The following SMPDL3A variants were observed in gnomAD, a reference collection of about 807,000 sequenced individuals.
SMPDL3A encodes cyclic GMP-AMP phosphodiesterase SMPDL3A.
SMPDL3A carries 39 observed loss-of-function variants against 38.5 expected under a neutral mutation model. The ratio of observed to expected loss-of-function variants is 1.01; its 90% CI spans 0.78 to 1.32. The LOEUF is 1.32. SMPDL3A is among the 40% of genes most tolerant of loss of function. The probability of loss-of-function intolerance (pLI) is 0.00; values close to 1 mark genes in which losing one functional copy is unlikely to be tolerated. For synonymous variants in SMPDL3A, 180 were observed against 194.3 expected (o/e 0.93, Z 0.61); for missense variants, 502 against 536.2 (o/e 0.94, Z 0.63).
chr6:122,804,049 G>A (rs920918069), intron 5 of SMPDL3A, among the ~76,000 whole-genome samples: 6 of 150,836 alleles, frequency 4.0e-5, no homozygotes, highest in East Asian at 3.9e-4. Flanking sequence ...GTGCAATGGC[G>A]TGGTCTCGGC....
At position 122,806,002 on chromosome 6, in the gene SMPDL3A, C is replaced by A. The variant is rs1195467041; in HGVS notation, c.920-231C>A. 1.3e-5 allele frequency among the ~76,000 whole-genome samples: 2 copies of A among 152,302 alleles called. 1 individual carries two copies. Among genetic ancestry groups the A allele is most frequent in the East Asian group, 3.9e-4 (2 of 5,184 alleles). On this transcript the variant is annotated intron_variant, in intron 6 of 7. Coordinates refer to ENST00000368440, the MANE Select transcript of SMPDL3A (RefSeq NM_006714.5). ...ATTGCTAAAATATATGGATAATTTA[C>A]ATAACCACAAACTTAGTTAACAAAA...
At position 122,805,101 on chromosome 6, in the gene SMPDL3A, C is replaced by T. The variant is rs1445078198; in HGVS notation, c.919+12C>T. 6.3e-7 allele frequency: 1 copy of T among 1,586,842 alleles called. No homozygotes were observed. The highest frequency in any genetic ancestry group is 1.8e-5 in the Admixed American group (1 of 55,048). ...TTCAGATAAAAAAGGTAATGTAATG[C>T]TGTGTTTGCATCTCCCCAGTCTAAG... is the stretch of plus-strand genomic sequence containing the variant. On this transcript the variant is annotated intron_variant, in intron 6 of 7. Transcript: ENST00000368440.
In SMPDL3A at chr6:122,796,924, CTCCAGGTTT is replaced by C. The variant is rs1781267294; in HGVS notation, c.431_439del (p.Gln144_Phe146del). The C allele has an allele frequency of 6.2e-7, 1 of 1,613,536 alleles. No homozygotes were observed. Among genetic ancestry groups the C allele is most frequent in the Admixed American group, 1.7e-5 (1 of 59,984 alleles). ...CACCATCCAGAGTCTCTTTCCAAAT[CTCCAGGTTT>C]TCCCTGCGCTGGGTAATCATGACTA... On this transcript the variant is annotated inframe_deletion, in exon 3 of 8. Coordinates refer to ENST00000368440, the MANE Select transcript of SMPDL3A (RefSeq NM_006714.5).
intron 1 of SMPDL3A, chr6:122,789,939 C>T (rs1324536812): frequency 8.8e-6 from 8 of 913,236 alleles, no homozygotes; most frequent in Non-Finnish European, 1.0e-5. Flanking sequence ...ACACTATCTT[C>T]TGTCTTGCTC....
chr6:122,809,551 C>T lies in SMPDL3A; in HGVS notation c.*143C>T. On this transcript the variant is annotated 3_prime_UTR_variant, in exon 8 of 8. Coordinates refer to ENST00000368440, the MANE Select transcript of SMPDL3A (RefSeq NM_006714.5). ...TTCTTTTTTTTTTTCTTTTTGATGCCTTAATGTAGATATCTTTATCATTCT... is the reference window on the plus strand; with the variant it reads ...TTCTTTTTTTTTTTCTTTTTGATGCTTTAATGTAGATATCTTTATCATTCT... 1.7e-6 allele frequency: 1 copy of T among 605,794 alleles called. No homozygotes were observed. Among genetic ancestry groups the T allele is most frequent in the Non-Finnish European group, 2.9e-6 (1 of 344,842 alleles). 37.5% of individuals were successfully genotyped at this position (605,794 alleles called of 1,614,324 possible).
At position 122,795,691 on chromosome 6, in the gene SMPDL3A, GTGAC is replaced by G; in HGVS notation, c.133_136del (p.Asp45TyrfsTer3). On this transcript the variant is annotated frameshift_variant, in exon 2 of 8. Coordinates refer to ENST00000368440, the MANE Select transcript of SMPDL3A (RefSeq NM_006714.5). LOFTEE classifies it high-confidence loss of function. Reference sequence around the variant, plus strand: ...GTAATCAACAGGACAGTTTTGGCATGTGACTGACTTACACTTAGACCCTACTTAC... The same window carrying G: ...GTAATCAACAGGACAGTTTTGGCATGTGACTTACACTTAGACCCTACTTAC... 1 of 1,613,836 alleles carries G rather than the reference GTGAC, an allele frequency of 6.2e-7. No individual in the cohort carries two copies. The highest frequency in any genetic ancestry group is 8.5e-7 in the Non-Finnish European group (1 of 1,179,828).
At position 122,809,152 on chromosome 6, in the gene SMPDL3A, A is replaced by G. The variant is rs1562358462; in HGVS notation, c.1106A>G (p.Lys369Arg). Residue 369 changes from lysine (K) to arginine (R), a missense_variant, in exon 8 of 8, where the codon AAG (lysine) becomes AGG (arginine). Lys to Arg is a conservative substitution (Grantham distance 26, BLOSUM62 2). Transcript: ENST00000368440. Reference sequence around the variant, plus strand: ...AATCTAAAGGGAGAGTCCATCTGGAAGCTGGAGTATATCCTGACCCAGACC... The same window carrying G: ...AATCTAAAGGGAGAGTCCATCTGGAGGCTGGAGTATATCCTGACCCAGACC... ...EANLKGESIW[K>R]LEYILTQTYD... 1.9e-6 allele frequency: 3 copies of G among 1,614,200 alleles called. No individual in the cohort carries two copies. Among genetic ancestry groups the G allele is most frequent in the Non-Finnish European group, 2.5e-6 (3 of 1,180,014 alleles).
rs113707268 is a variant in SMPDL3A, at chr6:122,794,553, C to T, written c.113-1124C>T. On this transcript the variant is annotated intron_variant, in intron 1 of 7. Transcript: ENST00000368440. ...TGGAGGTGGCAGTGAGCCAAGATCACGCCATTGCACTCCAGCACTGGAGAC... is the reference window on the plus strand; with the variant it reads ...TGGAGGTGGCAGTGAGCCAAGATCATGCCATTGCACTCCAGCACTGGAGAC... Among the ~76,000 whole-genome samples the T allele has an allele frequency of 3.7e-3, 563 of 152,152 alleles. 6 individuals carry two copies. Among genetic ancestry groups the T allele is most frequent in the African/African-American group, 0.013 (523 of 41,516 alleles).
At position 122,809,269 on chromosome 6, in the gene SMPDL3A, ATTAC is replaced by A. The variant is rs747196247; in HGVS notation, c.1226_1229del (p.Tyr409SerfsTer3). 3.3e-5 allele frequency: 53 copies of A among 1,613,976 alleles called. No individual in the cohort carries two copies. Among genetic ancestry groups the A allele is most frequent in the Non-Finnish European group, 4.2e-5 (49 of 1,179,960 alleles). On this transcript the variant is annotated frameshift_variant, in exon 8 of 8. Coordinates refer to ENST00000368440, the MANE Select transcript of SMPDL3A (RefSeq NM_006714.5). LOFTEE classifies it low-confidence loss of function (END_TRUNC). ...AGTAAGCAGTTTATAAAATACTACA[ATTAC>A]TTCTTTGTGAGTTATGACAGCAGTG... is the stretch of plus-strand genomic sequence containing the variant.
intron 1 of SMPDL3A, chr6:122,789,853 G>C (rs1042735139): frequency 1.0e-6 from 1 of 985,302 alleles, no homozygotes; most frequent in African/African-American, 1.7e-5. Flanking sequence ...CACAGCAAGA[G>C]GCCCCTAATC....
intron 4 of SMPDL3A, among the ~76,000 whole-genome samples, chr6:122,802,197 T>G (rs893841844): frequency 8.8e-4 from 5 of 5,670 alleles, no homozygotes; most frequent in Non-Finnish European, 4.5e-3. Flanking sequence ...TATCTAGTCT[T>G]TTTTTTTTTT....
chr6:122,791,287 A>G (rs549865643), intron 1 of SMPDL3A, among the ~76,000 whole-genome samples: 1 of 152,320 alleles, frequency 6.6e-6, no homozygotes, highest in Non-Finnish European at 1.5e-5. Flanking sequence ...TAGATTGAGT[A>G]GGCTGGGACT....
intron 3 of SMPDL3A, 158 bp downstream of exon 3, chr6:122,797,126 C>T (rs1455682795): frequency 1.4e-5 from 7 of 517,268 alleles, no homozygotes; most frequent in Non-Finnish European, 2.4e-5. Context: ...AAGACAAGTA[C>T]TTCGGGGACT....
At chr6:122,807,430 C>T (rs988277230) in intron 7 of SMPDL3A, among the ~76,000 whole-genome samples, 6 of 152,114 alleles carry the variant, frequency 3.9e-5, no homozygotes, top group African/African-American at 1.4e-4. Context: ...ACCTGGGAGG[C>T]AGAGCTTGCA....
chr6:122,796,877 A>G lies in SMPDL3A; in HGVS notation c.380A>G (p.Asn127Ser), dbSNP rs1562349522. ...VPELSTDTVI[N>S]VITNMTTTIQ... is the part of the protein sequence containing the mutation. ...GAACTCTCAACAGACACTGTTATAA[A>G]TGTGATCACTAATATGACAACCACC... The change falls in exon 3 of 8, where the codon AAT becomes AGT. Residue 127 changes from asparagine (N) to serine (S), a missense_variant. Asn to Ser is a conservative substitution (Grantham distance 46, BLOSUM62 1). Transcript: ENST00000368440. The G allele has an allele frequency of 2.5e-6, 4 of 1,612,872 alleles. No individual in the cohort carries two copies. Among genetic ancestry groups the G allele is most frequent in the Middle Eastern group, 3.3e-4 (2 of 6,058 alleles).
Position 122,790,364 on chromosome 6 carries a change from G to C in SMPDL3A, c.112+906G>C, listed in dbSNP as rs138673877. On this transcript the variant is annotated intron_variant, in intron 1 of 7. Coordinates refer to ENST00000368440, the MANE Select transcript of SMPDL3A (RefSeq NM_006714.5). ...GGTGGGAGATTGTACAATGCCATCC[G>C]AGCCTCCAGTTCCAAAAATCAAGGT... Among the ~76,000 whole-genome samples, 30 of 152,264 alleles carry C rather than the reference G, an allele frequency of 2.0e-4. No individual in the cohort carries two copies. The East Asian group carries it at 5.8e-3, about 29-fold the overall frequency.
intron 3 of SMPDL3A, among the ~76,000 whole-genome samples, chr6:122,798,826 ATATATACAGC>A (rs35497662): frequency 0.14 from 20,606 of 152,124 alleles, 1,834 homozygotes; most frequent in East Asian, 0.35. Context: ...TATTATATTA[ATATATACAGC>A]TAGGGTAAAT....
At chr6:122,791,222 T>C (rs1272391960) in intron 1 of SMPDL3A, among the ~76,000 whole-genome samples, 1 of 152,176 alleles carries the variant, frequency 6.6e-6, no homozygotes, top group Non-Finnish European at 1.5e-5. Flanking sequence ...GTCCTGGTGG[T>C]CGGACGACAG....
rs1394129829 is a variant in SMPDL3A, at chr6:122,805,035, C to A, written c.865C>A (p.Gln289Lys). 1.2e-6 allele frequency: 2 copies of A among 1,612,922 alleles called. No individual in the cohort carries two copies. The highest frequency in any genetic ancestry group is 1.7e-6 in the Non-Finnish European group (2 of 1,179,682). ...FQKYSDVIAG[Q>K]FYGHTHRDSI... ...AAAATACAGTGATGTCATTGCAGGA[C>A]AATTTTATGGACACACTCACAGAGA... is the stretch of plus-strand genomic sequence containing the variant. Residue 289 changes from glutamine (Q) to lysine (K), a missense_variant, in exon 6 of 8, where the codon CAA (glutamine) becomes AAA (lysine). By Grantham distance (53) the Gln-to-Lys change is moderately conservative. Transcript: ENST00000368440.
Sources: allele counts gnomAD v4.1 joint callset (sites outside exome capture counted in the v4.1 genomes callset), GRCh38; gene constraint gnomAD v4.1.1; transcripts MANE v1.5; gene names NCBI Gene and HGNC (gene_info 2026-07-23, HGNC 2026-07-21).